The following S100Z variants were observed in gnomAD, a reference collection of about 807,000 sequenced individuals.
S100Z encodes protein S100-Z.
A neutral mutation model predicts 8.5 loss-of-function variants in S100Z; 11 were observed. That is an observed-to-expected ratio of 1.30 (90% confidence interval 0.82 to 2.15). The LOEUF (loss-of-function observed/expected upper bound fraction) is 2.15, where lower values mean the gene tolerates loss of function less well. Ranked by LOEUF, S100Z falls within the 30% of genes most tolerant of loss-of-function variation. The pLI, the probability that S100Z is intolerant of heterozygous loss-of-function variation, is 0.00. For missense variants in S100Z, 126 were observed against 117.9 expected (o/e 1.07, Z -0.32); for synonymous variants, 34 against 43.8 (o/e 0.78, Z 0.89).
At chr5:76,853,134 G>C (rs945754137) in intron 1 of S100Z, among the ~76,000 whole-genome samples, 1 of 152,192 alleles carries the variant, frequency 6.6e-6, no homozygotes, top group Non-Finnish European at 1.5e-5. Context: ...ATGTGATACA[G>C]TTCAGACACC....
At chr5:76,945,872 T>A in the S100Z span, among the ~76,000 whole-genome samples, 1 of 152,268 alleles carries the variant, frequency 6.6e-6, no homozygotes, top group Non-Finnish European at 1.5e-5. Flanking sequence ...TTTGTCTCTG[T>A]GTCTTATTTC....
intron 4 of S100Z, among the ~76,000 whole-genome samples, chr5:76,878,987 G>T (rs1415581063): frequency 6.6e-6 from 1 of 152,146 alleles, no homozygotes; most frequent in Non-Finnish European, 1.5e-5. Flanking sequence ...CAGAACCCTG[G>T]TTTGTGCAGG....
intron 4 of S100Z, 117 bp downstream of exon 4, chr5:76,877,951 G>T (rs565306808): frequency 1.8e-6 from 1 of 549,134 alleles, no homozygotes; most frequent in South Asian, 3.2e-5. Flanking sequence ...AATATCCAGT[G>T]CATATATTAA....
intron 3 of S100Z, among the ~76,000 whole-genome samples, chr5:76,877,024 G>C (rs1580011642): frequency 6.6e-6 from 1 of 152,086 alleles, no homozygotes; most frequent in Admixed American, 6.6e-5. Flanking sequence ...TCTTCTGTGT[G>C]TCAGGCACAC....
At chr5:76,868,384 G>A (rs772293126) in intron 1 of S100Z, among the ~76,000 whole-genome samples, 2 of 152,138 alleles carry the variant, frequency 1.3e-5, no homozygotes, top group Non-Finnish European at 2.9e-5. Flanking sequence ...GAGCCAAGAT[G>A]TAGAAGCCAC....
At position 76,860,069 on chromosome 5, in the gene S100Z, C is replaced by T. The variant is rs534768091; in HGVS notation, c.-176+9914C>T. ...GTATATCAGACAGGGCTCTTAATTGCCGGCAATAAAAGTTGACTCTAGATG... is the reference window on the plus strand; with the variant it reads ...GTATATCAGACAGGGCTCTTAATTGTCGGCAATAAAAGTTGACTCTAGATG... On this transcript the variant is annotated intron_variant, in intron 1 of 4. Coordinates refer to ENST00000317593, the MANE Select transcript of S100Z (RefSeq NM_130772.4). 7.2e-5 allele frequency among the ~76,000 whole-genome samples: 11 copies of T among 152,234 alleles called. No homozygotes were observed. The East Asian group carries it at 1.9e-3, about 27-fold the overall frequency.
chr5:76,905,481 C>T (rs1428638889), intron 4 of S100Z, among the ~76,000 whole-genome samples: 5 of 151,934 alleles, frequency 3.3e-5, no homozygotes, highest in African/African-American at 9.7e-5. Context: ...GGCATGATTT[C>T]GGTTCATCGC....
intron 4 of S100Z, among the ~76,000 whole-genome samples, chr5:76,898,934 T>C (rs769809188): frequency 4.9e-5 from 1 of 20,278 alleles, no homozygotes; most frequent in Non-Finnish European, 1.0e-4. Flanking sequence ...TTTTCTTTTC[T>C]TTTTTTTTTT....
chr5:76,935,850 C>T, the S100Z span, among the ~76,000 whole-genome samples: 1 of 151,520 alleles, frequency 6.6e-6, no homozygotes, highest in Non-Finnish European at 1.5e-5. Context: ...GATCTCGGCT[C>T]ACTGCCACCT....
chr5:76,896,541 A>G (rs1350183969), intron 4 of S100Z, among the ~76,000 whole-genome samples: 3 of 152,204 alleles, frequency 2.0e-5, no homozygotes, highest in Admixed American at 2.0e-4. Flanking sequence ...TCTTTTGGGT[A>G]TATACTCAGC....
chr5:76,903,425 C>T (rs774035098), intron 4 of S100Z, among the ~76,000 whole-genome samples: 1 of 152,024 alleles, frequency 6.6e-6, no homozygotes, highest in Non-Finnish European at 1.5e-5. Flanking sequence ...TAGTCTTTCA[C>T]TGCATGGATG....
the S100Z span, among the ~76,000 whole-genome samples, chr5:76,928,831 C>T: frequency 6.6e-6 from 1 of 152,358 alleles, no homozygotes; most frequent in Non-Finnish European, 1.5e-5. Flanking sequence ...CCTCAAACTC[C>T]TGGGCTCAAG....
intron 4 of S100Z, among the ~76,000 whole-genome samples, chr5:76,920,479 C>T (rs1396179596): frequency 6.6e-6 from 1 of 152,172 alleles, no homozygotes; most frequent in African/African-American, 2.4e-5. Context: ...CACAATGCTT[C>T]GTCGGAATTT....
intron 4 of S100Z, among the ~76,000 whole-genome samples, chr5:76,900,178 T>C (rs1358512583): frequency 6.6e-6 from 1 of 152,216 alleles, no homozygotes; most frequent in Non-Finnish European, 1.5e-5. Flanking sequence ...TGGTTGACCT[T>C]TGGGAGTTTG....
At chr5:76,882,765 A>C (rs1351815617) in intron 4 of S100Z, among the ~76,000 whole-genome samples, 1 of 152,204 alleles carries the variant, frequency 6.6e-6, no homozygotes, top group Non-Finnish European at 1.5e-5. Context: ...AGTACAGCCC[A>C]GGTAATTTGT....
the S100Z span, among the ~76,000 whole-genome samples, chr5:76,931,398 C>A: frequency 6.6e-6 from 1 of 152,194 alleles, no homozygotes; most frequent in African/African-American, 2.4e-5. Context: ...CAGTCTCCAG[C>A]CACCATGACT....
chr5:76,910,204 A>G (rs1744599416), intron 4 of S100Z, among the ~76,000 whole-genome samples: 1 of 152,206 alleles, frequency 6.6e-6, no homozygotes, highest in Admixed American at 6.5e-5. Context: ...GGGAGGCCTT[A>G]AGAAAATATA....
chr5:76,886,285 G>A (rs1580026315), intron 4 of S100Z, among the ~76,000 whole-genome samples: 1 of 152,296 alleles, frequency 6.6e-6, no homozygotes, highest in South Asian at 2.1e-4. Flanking sequence ...GGAGTTTTGG[G>A]TCCACGGATA....
At chr5:76,860,849 G>A (rs150065883) in intron 1 of S100Z, among the ~76,000 whole-genome samples, 3 of 152,190 alleles carry the variant, frequency 2.0e-5, no homozygotes, top group African/African-American at 7.2e-5. Context: ...CATGACATGT[G>A]TGCTTTTTGA....
Sources: gnomAD v4.1 joint callset for allele counts (sites outside exome capture counted in the v4.1 genomes callset) on GRCh38, gnomAD v4.1.1 for gene constraint, MANE v1.5 for transcripts, NCBI Gene and HGNC (gene_info 2026-07-23, HGNC 2026-07-21) for gene names.